Variants in TTC28 observed in about 807,000 individuals in gnomAD.
The protein encoded by TTC28 is tetratricopeptide repeat protein 28.
In TTC28, 61 loss-of-function variants were observed where a neutral mutation model predicts 198.0. The observed-to-expected ratio is 0.31, with a 90% CI of 0.25 to 0.38. The LOEUF (loss-of-function observed/expected upper bound fraction) is 0.38. Ranked by LOEUF, TTC28 falls within the 10% of genes least tolerant of loss-of-function variation. The pLI is 1.00. For missense variants in TTC28, 2,678 were observed against 3,164.0 expected (o/e 0.85, Z 3.69); for synonymous variants, 1,171 against 1,297.8 (o/e 0.90, Z 2.10).
At chr22:28,207,323 A>G (rs1926511335) in intron 5 of TTC28, among the ~76,000 whole-genome samples, 1 of 151,792 alleles carries the variant, frequency 6.6e-6, no homozygotes, top group Non-Finnish European at 1.5e-5. Flanking sequence ...AATCACTACA[A>G]GCATTCCACT....
At chr22:28,595,886 T>G (rs938702674) in intron 2 of TTC28, among the ~76,000 whole-genome samples, 3 of 152,162 alleles carry the variant, frequency 2.0e-5, no homozygotes, top group African/African-American at 7.2e-5. Flanking sequence ...ATGGCGCCAC[T>G]GCACTCCAGC....
At chr22:28,069,801 T>C (rs1940894302) in intron 12 of TTC28, among the ~76,000 whole-genome samples, 1 of 152,124 alleles carries the variant, frequency 6.6e-6, no homozygotes, top group Admixed American at 6.6e-5. Flanking sequence ...AAGTCCTTAC[T>C]ATAAGCTCCA....
chr22:28,669,271 G>A (rs1323942354), intron 1 of TTC28, among the ~76,000 whole-genome samples: 15 of 143,904 alleles, frequency 1.0e-4, no homozygotes, highest in Middle Eastern at 3.5e-3. Flanking sequence ...CCTGCACAAT[G>A]TGCACATGTA....
intron 6 of TTC28, among the ~76,000 whole-genome samples, chr22:28,128,596 G>A (rs1225973096): frequency 6.6e-6 from 1 of 152,054 alleles, no homozygotes; most frequent in African/African-American, 2.4e-5. Context: ...GGAGTACAGT[G>A]GCTCAATCTC....
At chr22:28,279,746 A>G (rs13056425) in intron 5 of TTC28, among the ~76,000 whole-genome samples, 3,817 of 152,318 alleles carry the variant, frequency 0.025, 75 homozygotes, top group Non-Finnish European at 0.039. Flanking sequence ...TCCCATCACC[A>G]TATAAAGTAC....
intron 2 of TTC28, among the ~76,000 whole-genome samples, chr22:28,535,401 T>C (rs921886429): frequency 7.2e-5 from 11 of 152,220 alleles, no homozygotes; most frequent in African/African-American, 2.2e-4. Flanking sequence ...CTTAGTACTA[T>C]AAATTAATGT....
At chr22:28,108,580 G>A (rs1942395149) in intron 6 of TTC28, among the ~76,000 whole-genome samples, 177 bp from the exon 7 acceptor site, 1 of 152,012 alleles carries the variant, frequency 6.6e-6, no homozygotes. Context: ...GATAGCTTAA[G>A]TTTCAAAGCA....
At position 28,005,129 on chromosome 22, in the gene TTC28, C is replaced by T. The variant is rs1937883427; in HGVS notation, c.4219-3576G>A. Among the ~76,000 whole-genome samples, 1 of 152,188 alleles carries T rather than the reference C, an allele frequency of 6.6e-6. No individual in the cohort carries two copies. The highest frequency in any genetic ancestry group is 1.5e-5 in the Non-Finnish European group (1 of 68,042). On this transcript the variant is annotated intron_variant, in intron 14 of 22. Coordinates refer to ENST00000397906, the MANE Select transcript of TTC28 (RefSeq NM_001145418.2). This position sits in a 1 kb window ranked among gnomAD's most constrained non-coding sequence, Gnocchi z 4.9. ...CCAGGTGCACTAGAATCTGTCTCTT[C>T]CCCAGGGGTGCCGCCCTGCGCTCTC...
intron 2 of TTC28, among the ~76,000 whole-genome samples, chr22:28,420,395 A>AG (rs1188370451): frequency 6.6e-6 from 1 of 152,158 alleles, no homozygotes; most frequent in Non-Finnish European, 1.5e-5. Flanking sequence ...TTGAAACTTA[A>AG]GTACTTTTCT....
chr22:28,133,955 C>A (rs1410269758), intron 6 of TTC28, among the ~76,000 whole-genome samples: 1 of 152,202 alleles, frequency 6.6e-6, no homozygotes, highest in African/African-American at 2.4e-5. Flanking sequence ...CTGGGAGGCA[C>A]CCCCTAGTAG....
rs142880808 is a variant in TTC28, at chr22:28,612,523, A to G, written c.381+17029T>C. Among the ~76,000 whole-genome samples the G allele has an allele frequency of 4.9e-4, 75 of 152,330 alleles. 4 individuals carry two copies. The East Asian group carries it at 0.014, about 29-fold the overall frequency. ...TCCACCCAAAATCAACAGAATATAC[A>G]TTCTTCTCAGCACCACATCACACAT... On this transcript the variant is annotated intron_variant, in intron 2 of 22. Transcript: ENST00000397906.
intron 2 of TTC28, among the ~76,000 whole-genome samples, chr22:28,554,108 T>C (rs2049748364): frequency 1.3e-5 from 2 of 152,146 alleles, no homozygotes; most frequent in Non-Finnish European, 2.9e-5. Context: ...ATGTGCTGTG[T>C]CCACTCAGGG....
chr22:28,627,435 CT>C (rs113850616), intron 2 of TTC28, among the ~76,000 whole-genome samples: 3,247 of 138,282 alleles, frequency 0.023, 21 homozygotes, highest in Non-Finnish European at 0.029. Context: ...TTTTCTTTTT[CT>C]TTTTTTTTTT....
rs1212549013 is a variant in TTC28 at position 28,108,177 on chromosome 22, T to C, written c.1668A>G (p.Thr556=). The C allele has an allele frequency of 3.9e-6, 6 of 1,551,708 alleles. No individual in the cohort carries two copies. Among genetic ancestry groups the C allele is most frequent in the Non-Finnish European group, 5.2e-6 (6 of 1,146,974 alleles). ...EVNDRASQAS[T]HGNLAVAYQA... ...GGTAGGCCACGGCAAGGTTCCCATGTGTGGAGGCCTGTGAGGCGCGGTCAT... is the reference window on the plus strand; with the variant it reads ...GGTAGGCCACGGCAAGGTTCCCATGCGTGGAGGCCTGTGAGGCGCGGTCAT... Residue 556 remains threonine (T), a synonymous_variant, in exon 7 of 23, where the codon ACA becomes ACG. Transcript: ENST00000397906.
Position 27,993,026 on chromosome 22 carries a change from C to T in TTC28, c.5476+261G>A, listed in dbSNP as rs541939959. 194 of 566,586 alleles carry T rather than the reference C, an allele frequency of 3.4e-4. 1 individual carries two copies. The highest frequency in any genetic ancestry group is 1.9e-3 in the Middle Eastern group (4 of 2,150). 35.1% of individuals were successfully genotyped at this position (566,586 alleles called of 1,614,324 possible). ...CAGTAGTGGCCAGTGTCTGCCGGCA[C>T]GACCTCCCATCATCCCGGGAAGGGG... On this transcript the variant is annotated intron_variant, in intron 18 of 22. Coordinates refer to ENST00000397906, the MANE Select transcript of TTC28 (RefSeq NM_001145418.2).
At chr22:28,490,346 C>T (rs1326094580) in intron 2 of TTC28, among the ~76,000 whole-genome samples, 1 of 152,212 alleles carries the variant, frequency 6.6e-6, no homozygotes, top group Non-Finnish European at 1.5e-5. Flanking sequence ...ACCCCCATTG[C>T]TCTGCTCTGT....
At chr22:28,516,814 C>T (rs1369612155) in intron 2 of TTC28, among the ~76,000 whole-genome samples, 2 of 151,830 alleles carry the variant, frequency 1.3e-5, no homozygotes, top group Non-Finnish European at 2.9e-5. Flanking sequence ...TGTGAAGTAA[C>T]AGATATGTTA....
chr22:28,511,875 C>T (rs1167649567), intron 2 of TTC28, among the ~76,000 whole-genome samples: 1 of 150,368 alleles, frequency 6.7e-6, no homozygotes, highest in African/African-American at 2.4e-5. Flanking sequence ...AAAATCTATG[C>T]AATACCATAA....
intron 12 of TTC28, among the ~76,000 whole-genome samples, chr22:28,086,198 A>G (rs1941589824): frequency 6.6e-6 from 1 of 152,100 alleles, no homozygotes; most frequent in South Asian, 2.1e-4. Flanking sequence ...ACCCCAAATC[A>G]ACAGAATATA....
Sources: allele counts gnomAD v4.1 joint callset (sites outside exome capture counted in the v4.1 genomes callset), GRCh38; gene constraint gnomAD v4.1.1; non-coding constraint Gnocchi (gnomAD v3.1); transcripts MANE v1.5; gene names NCBI Gene and HGNC (gene_info 2026-07-23, HGNC 2026-07-21).